Variants in MTA3 observed in about 807,000 individuals in gnomAD.
MTA3 encodes metastasis-associated protein MTA3.
A neutral mutation model predicts 83.5 loss-of-function variants in MTA3; 34 were observed. That is an observed-to-expected ratio of 0.41 (90% confidence interval 0.31 to 0.54). The LOEUF (loss-of-function observed/expected upper bound fraction) is 0.54, where lower values mean the gene tolerates loss of function less well. MTA3 is among the 20% of genes least tolerant of loss of function. The probability of loss-of-function intolerance (pLI) is 0.33; values close to 1 mark genes in which losing one functional copy is unlikely to be tolerated. For missense variants in MTA3, 761 were observed against 726.4 expected (o/e 1.05, Z -0.55); for synonymous variants, 303 against 252.7 (o/e 1.20, Z -1.89).
chr2:42,564,997 C>T (rs1017977800), upstream of MTA3, among the ~76,000 whole-genome samples: 5 of 151,996 alleles, frequency 3.3e-5, no homozygotes, highest in African/African-American at 9.7e-5. Flanking sequence ...AGGCTGGTCT[C>T]GAACTCCTGA....
At chr2:42,570,556 G>A in intron 2 of MTA3, 52 bp downstream of exon 2, 1 of 1,136,626 alleles carries the variant, frequency 8.8e-7, no homozygotes, top group South Asian at 1.9e-5. Context: ...ATTTTCCCTT[G>A]ATGGGTAATT....
intron 3 of MTA3, among the ~76,000 whole-genome samples, chr2:42,594,893 ATTAT>A (rs72176773): frequency 0.73 from 95,903 of 130,654 alleles, 35,495 homozygotes; most frequent in Middle Eastern, 0.87. Context: ...CGCCTGGCTA[ATTAT>A]TTATTTATTT....
chr2:42,702,781 TG>T (rs895226398), intron 11 of MTA3: 3 of 152,256 alleles, frequency 2.0e-5, no homozygotes, highest in Admixed American at 6.5e-5. Context: ...TGCAGTGTTC[TG>T]GGGCACGGTT....
chr2:42,523,319 A>G (rs1004365151), intron 2 of MTA3, among the ~76,000 whole-genome samples: 7 of 152,146 alleles, frequency 4.6e-5, no homozygotes, highest in African/African-American at 1.2e-4. Flanking sequence ...ATCTTTGGGT[A>G]AGGTATGGCC....
At chr2:42,743,611 A>G (rs778742577) in intron 16 of MTA3, among the ~76,000 whole-genome samples, 15 of 152,204 alleles carry the variant, frequency 9.9e-5, no homozygotes, top group Non-Finnish European at 2.1e-4. Context: ...TTCTGCATTG[A>G]GTAATACAAT....
intron 2 of MTA3, among the ~76,000 whole-genome samples, chr2:42,500,583 C>T (rs1038863587): frequency 6.6e-5 from 10 of 151,970 alleles, no homozygotes; most frequent in African/African-American, 2.4e-4. Context: ...CGTAAAAGTT[C>T]TCAGATATCT....
At chr2:42,711,959 A>C (rs1456002376) in intron 14 of MTA3, among the ~76,000 whole-genome samples, 5 of 152,282 alleles carry the variant, frequency 3.3e-5, no homozygotes, top group Admixed American at 2.0e-4. Context: ...TGATGGATCT[A>C]GAGTTCTAAT....
rs555935014 is a variant in MTA3, at chr2:42,640,036, A to G, written c.318-137A>G. ...CATTAGGATTGTAAAGTGGGTCTAA[A>G]TGGTTTGAAAAAATATATATTCCTA... is the stretch of plus-strand genomic sequence containing the variant. On this transcript the variant is annotated intron_variant, in intron 4 of 16. Transcript: ENST00000405094. 11 of 617,258 alleles carry G rather than the reference A, an allele frequency of 1.8e-5. No individual in the cohort carries two copies. The South Asian group carries it at 2.2e-4, about 12-fold the overall frequency. The allele number at this position is 617,258 out of a possible 1,614,324, so 38.2% of individuals were successfully genotyped here.
chr2:42,684,680 C>T (rs185998751), intron 9 of MTA3, among the ~76,000 whole-genome samples: 21 of 152,214 alleles, frequency 1.4e-4, no homozygotes, highest in Admixed American at 5.2e-4. Flanking sequence ...TAAATAAAAC[C>T]TGCAGATCTG....
intron 3 of MTA3, among the ~76,000 whole-genome samples, chr2:42,601,150 C>A (rs1487052693): frequency 2.6e-5 from 4 of 152,136 alleles, no homozygotes; most frequent in African/African-American, 7.2e-5. Context: ...CACGATCTAC[C>A]CGCCTTGGCC....
intron 3 of MTA3, among the ~76,000 whole-genome samples, chr2:42,597,277 C>T (rs1681916300): frequency 6.6e-6 from 1 of 151,692 alleles, no homozygotes; most frequent in African/African-American, 2.4e-5. Flanking sequence ...GTTGCCCAGG[C>T]TGGTCTCAAA....
chr2:42,718,901 C>A, intron 14 of MTA3, 87 bp from the exon 15 acceptor site: 1 of 1,004,424 alleles, frequency 1.0e-6, no homozygotes, highest in Non-Finnish European at 1.5e-6. Flanking sequence ...TACTGTTTTC[C>A]ACTTGTACCT....
intron 2 of MTA3, among the ~76,000 whole-genome samples, chr2:42,507,260 C>G (rs1674675487): frequency 1.3e-5 from 2 of 152,044 alleles, no homozygotes; most frequent in Admixed American, 1.3e-4. Context: ...TGGCCTTGAC[C>G]TCCTAAGCTC....
chr2:42,747,908 CAACA>C (rs1669559454), intron 16 of MTA3, among the ~76,000 whole-genome samples: 1 of 152,004 alleles, frequency 6.6e-6, no homozygotes, highest in Admixed American at 6.6e-5. Context: ...TCATCACCCC[CAACA>C]GTTTTCTTGC....
intron 16 of MTA3, among the ~76,000 whole-genome samples, chr2:42,740,934 A>G (rs933342253): frequency 6.6e-6 from 1 of 152,238 alleles, no homozygotes; most frequent in East Asian, 1.9e-4. Flanking sequence ...CTTTGAAGGC[A>G]TTGGCTTCTC....
intron 9 of MTA3, among the ~76,000 whole-genome samples, chr2:42,686,818 C>G (rs1692411046): frequency 6.7e-6 from 1 of 149,408 alleles, no homozygotes; most frequent in Non-Finnish European, 1.5e-5. Flanking sequence ...TGGAGCAAGA[C>G]TTCATCTCAA....
intron 12 of MTA3, among the ~76,000 whole-genome samples, chr2:42,707,390 C>T (rs1363957837): frequency 2.6e-5 from 4 of 151,962 alleles, no homozygotes; most frequent in African/African-American, 9.7e-5. Flanking sequence ...ACTACAGGTG[C>T]GTGCCACCAT....
chr2:42,635,456 C>G (rs755661668), intron 4 of MTA3, among the ~76,000 whole-genome samples: 1 of 151,936 alleles, frequency 6.6e-6, no homozygotes, highest in African/African-American at 2.4e-5. Context: ...GGTGAAACCC[C>G]GTCTTTACTA....
chr2:42,542,338 A>G (rs544198343), intron 2 of MTA3, among the ~76,000 whole-genome samples: 52 of 152,216 alleles, frequency 3.4e-4, no homozygotes, highest in African/African-American at 1.2e-3. Context: ...TTATAATCCT[A>G]TGGAGAACTT....
Sources: gnomAD v4.1 joint callset for allele counts (sites outside exome capture counted in the v4.1 genomes callset) on GRCh38, gnomAD v4.1.1 for gene constraint, MANE v1.5 for transcripts, NCBI Gene and HGNC (gene_info 2026-07-23, HGNC 2026-07-21) for gene names.